Variants in TMEM132B observed in about 807,000 individuals in gnomAD.
The protein encoded by TMEM132B is transmembrane protein 132B.
In TMEM132B, 18 loss-of-function variants were observed where a neutral mutation model predicts 90.8. The observed-to-expected ratio is 0.20, with a 90% confidence interval of 0.14 to 0.29. The LOEUF is 0.29. Among genes scored for constraint, TMEM132B ranks in the 10% least tolerant of loss-of-function variants. TMEM132B has a pLI of 1.00. For synonymous variants in TMEM132B, 504 were observed against 523.3 expected (o/e 0.96, Z 0.50); for missense variants, 1,096 against 1,326.8 (o/e 0.83, Z 2.70).
intron 1 of TMEM132B, among the ~76,000 whole-genome samples, chr12:125,304,190 G>A (rs1324559631): frequency 3.3e-5 from 5 of 152,180 alleles, no homozygotes; most frequent in Admixed American, 6.5e-5. Context: ...GACAGGAGGC[G>A]GAGCTCAGGT....
At chr12:125,329,565 A>G (rs1036415050) in intron 1 of TMEM132B, among the ~76,000 whole-genome samples, 4 of 152,276 alleles carry the variant, frequency 2.6e-5, no homozygotes, top group Admixed American at 2.0e-4. Context: ...GAGGAGGATG[A>G]TAAGGTCTGA....
intron 2 of TMEM132B, among the ~76,000 whole-genome samples, chr12:125,401,304 C>A (rs1187011743): frequency 1.3e-5 from 2 of 152,168 alleles, no homozygotes; most frequent in Non-Finnish European, 1.5e-5. Context: ...ACTGCGGAAT[C>A]TTTGCTCTCC....
chr12:125,566,794 G>T (rs143861529), intron 4 of TMEM132B, among the ~76,000 whole-genome samples: 8 of 146,626 alleles, frequency 5.5e-5, no homozygotes, highest in Non-Finnish European at 8.9e-5. Flanking sequence ...TCTCTTTCTC[G>T]ATTCCTCCTC....
chr12:125,552,011 C>T (rs1884241412), intron 4 of TMEM132B, among the ~76,000 whole-genome samples: 1 of 152,184 alleles, frequency 6.6e-6, no homozygotes, highest in Non-Finnish European at 1.5e-5. Context: ...CACCCTCCTC[C>T]AAGCAAAGAA....
chr12:125,361,773 C>T (rs1343911397), intron 2 of TMEM132B, among the ~76,000 whole-genome samples: 2 of 152,188 alleles, frequency 1.3e-5, no homozygotes, highest in Non-Finnish European at 2.9e-5. Flanking sequence ...CCCAAATCTG[C>T]CTTGTTTTCT....
At chr12:125,507,640 C>G (rs1265157862) in intron 3 of TMEM132B, among the ~76,000 whole-genome samples, 1 of 152,022 alleles carries the variant, frequency 6.6e-6, no homozygotes, top group Non-Finnish European at 1.5e-5. Context: ...GCTGGGGGAA[C>G]AGTAAAGGTG....
At chr12:125,266,814 G>T (rs1014796972) in intron 1 of TMEM132B, among the ~76,000 whole-genome samples, 1 of 152,234 alleles carries the variant, frequency 6.6e-6, no homozygotes, top group Non-Finnish European at 1.5e-5. Context: ...TTGTCTGGCT[G>T]TGAGTTATCA....
At chr12:125,387,815 C>G (rs143654923) in intron 2 of TMEM132B, among the ~76,000 whole-genome samples, 428 of 152,272 alleles carry the variant, frequency 2.8e-3, no homozygotes, top group African/African-American at 9.9e-3. Context: ...ATCCATCCAT[C>G]CTTAACTAAC....
intron 2 of TMEM132B, among the ~76,000 whole-genome samples, chr12:125,411,955 C>A (rs902847495): frequency 2.6e-5 from 4 of 152,142 alleles, no homozygotes; most frequent in African/African-American, 4.8e-5. Flanking sequence ...TCCCTGCCTT[C>A]CTTGGGTCCC....
intron 1 of TMEM132B, among the ~76,000 whole-genome samples, chr12:125,266,239 A>G (rs1874692365): frequency 6.6e-6 from 1 of 152,170 alleles, no homozygotes; most frequent in African/African-American, 2.4e-5. Flanking sequence ...GAAAAACCCA[A>G]AATTAAAAAA....
chr12:125,389,545 T>G (rs1878948795), intron 2 of TMEM132B, among the ~76,000 whole-genome samples: 1 of 152,146 alleles, frequency 6.6e-6, no homozygotes, highest in Non-Finnish European at 1.5e-5. Flanking sequence ...TTACCTAAAC[T>G]TTCTGTTCCT....
intron 1 of TMEM132B, among the ~76,000 whole-genome samples, chr12:125,318,654 A>G (rs1039625154): frequency 2.6e-5 from 4 of 152,158 alleles, no homozygotes; most frequent in African/African-American, 9.7e-5. Flanking sequence ...TGCTGAGGAC[A>G]ATGGCTTCCA....
chr12:125,192,773 T>A (rs1377963893), intron 1 of TMEM132B, among the ~76,000 whole-genome samples: 1 of 152,176 alleles, frequency 6.6e-6, no homozygotes, highest in East Asian at 1.9e-4. Context: ...CAAACTTCTC[T>A]TGTTAGTCAC....
In TMEM132B at chr12:125,458,950, A is replaced by G. The variant is rs1881366766; in HGVS notation, c.1106+43273A>G. On this transcript the variant is annotated intron_variant, in intron 3 of 8. Coordinates refer to ENST00000682704, the MANE Select transcript of TMEM132B (RefSeq NM_001366854.1). The surrounding 1 kb of genome is among the most constrained non-coding windows in gnomAD (Gnocchi z 4.9). ...AATGTTATCTGCCCTGTCCAAGTCC[A>G]TCAGGGAGAGACAAAATAGGTGTGT... Among the ~76,000 whole-genome samples, 3 of 152,340 alleles carry G rather than the reference A, an allele frequency of 2.0e-5. No homozygotes were observed. Among genetic ancestry groups the G allele is most frequent in the Admixed American group, 2.0e-4 (3 of 15,304 alleles).
chr12:125,587,514 A>G (rs1885209412), intron 5 of TMEM132B: 1 of 152,144 alleles, frequency 6.6e-6, no homozygotes, highest in African/African-American at 2.4e-5. Flanking sequence ...CTTATGAAAA[A>G]TCACAGGACC....
At chr12:125,540,558 A>G (rs1260151698) in intron 4 of TMEM132B, among the ~76,000 whole-genome samples, 1 of 152,216 alleles carries the variant, frequency 6.6e-6, no homozygotes, top group Non-Finnish European at 1.5e-5. Flanking sequence ...TCACTATGAG[A>G]CTAACTTCTT....
chr12:125,392,504 G>A (rs1484358898), intron 2 of TMEM132B, among the ~76,000 whole-genome samples: 1 of 152,262 alleles, frequency 6.6e-6, no homozygotes, highest in Admixed American at 6.5e-5. Flanking sequence ...CAGGTAGAAA[G>A]TGGCAGCACT....
chr12:125,489,504 A>T (rs957538481), intron 3 of TMEM132B, among the ~76,000 whole-genome samples: 75 of 152,250 alleles, frequency 4.9e-4, no homozygotes, highest in African/African-American at 1.8e-3. Flanking sequence ...GAATAGTCCC[A>T]AGTGATCCTC....
At chr12:125,618,290 G>A (rs1886037703) in intron 5 of TMEM132B, among the ~76,000 whole-genome samples, 1 of 152,138 alleles carries the variant, frequency 6.6e-6, no homozygotes, top group Non-Finnish European at 1.5e-5. Context: ...GCATGGAGTG[G>A]GGCATCTGAC....
Sources: gnomAD v4.1 joint callset for allele counts (sites outside exome capture counted in the v4.1 genomes callset) on GRCh38, gnomAD v4.1.1 for gene constraint, Gnocchi (gnomAD v3.1) non-coding constraint, MANE v1.5 for transcripts, NCBI Gene and HGNC (gene_info 2026-07-23, HGNC 2026-07-21) for gene names.